CREBBP: variants seen among roughly 807,000 people sequenced by gnomAD.
CREBBP encodes CREB-binding protein.
A neutral mutation model predicts 265.0 loss-of-function variants in CREBBP; 19 were observed. That is an observed-to-expected ratio of 0.07 (90% CI 0.05 to 0.11). The LOEUF is 0.11. Ranked by LOEUF, CREBBP falls within the 10% of genes least tolerant of loss-of-function variation. The pLI is 1.00. For missense variants in CREBBP, 2,525 were observed against 3,219.0 expected, an observed-to-expected ratio of 0.78 and a Z score of 5.22; for synonymous variants, 1,457 against 1,223.7, an observed-to-expected ratio of 1.19 and a Z score of -3.98.
At chr16:3,771,869 G>A (rs758189641) in intron 13 of CREBBP, among the ~76,000 whole-genome samples, 17 of 149,698 alleles carry the variant, frequency 1.1e-4, no homozygotes, top group African/African-American at 2.0e-4. Flanking sequence ...GGAGTGCAAT[G>A]GCATGATCTT....
At chr16:3,805,374 G>A (rs189566876) in intron 3 of CREBBP, among the ~76,000 whole-genome samples, 2 of 152,298 alleles carry the variant, frequency 1.3e-5, no homozygotes, top group East Asian at 1.9e-4. Context: ...TTCACCTGCC[G>A]TCTCCACAGA....
intron 5 of CREBBP, among the ~76,000 whole-genome samples, chr16:3,785,603 T>C (rs2053368146): frequency 6.6e-6 from 1 of 152,194 alleles, no homozygotes; most frequent in Non-Finnish European, 1.5e-5. Flanking sequence ...GGCCAGCACA[T>C]CGTGGGCCCT....
intron 1 of CREBBP, among the ~76,000 whole-genome samples, chr16:3,856,365 G>A (rs1053660314): frequency 3.3e-5 from 5 of 152,176 alleles, no homozygotes; most frequent in Non-Finnish European, 2.9e-5. Flanking sequence ...CACCCAGGCT[G>A]GAGTGCAGTG....
intron 2 of CREBBP, among the ~76,000 whole-genome samples, chr16:3,833,223 A>C (rs1432501472): frequency 1.3e-5 from 2 of 152,116 alleles, no homozygotes; most frequent in Non-Finnish European, 2.9e-5. Context: ...GACCAGCCTG[A>C]CCAACATGGT....
At chr16:3,822,813 T>C (rs940357279) in intron 2 of CREBBP, among the ~76,000 whole-genome samples, 12 of 152,128 alleles carry the variant, frequency 7.9e-5, no homozygotes, top group Admixed American at 2.0e-4. Flanking sequence ...AATACAGTCG[T>C]CCCTCCTGAC....
rs893310517 is a variant in CREBBP, at chr16:3,767,746, G to A, written c.3224C>T (p.Thr1075Ile). ...SSSNGTASQS[T>I]SPSQPRKKIF... ...TTTTTTGCGCGGCTGCGAAGGAGAT[G>A]TTGACTGAGAGGCTGTGCCGTTACT... Residue 1075 changes from threonine (T) to isoleucine (I), a missense_variant, in exon 16 of 31, where the codon ACA becomes ATA. Thr to Ile is a moderately conservative substitution (Grantham distance 89). Around this residue, in one of 19 missense-constraint regions of CREBBP, gnomAD observed 548 missense variants for 533.0 expected, o/e 1.03. Transcript: ENST00000262367. The A allele has an allele frequency of 3.1e-6, 5 of 1,614,256 alleles. No individual in the cohort carries two copies. The South Asian group carries it at 5.5e-5, about 18-fold the overall frequency.
At chr16:3,736,538 T>C (rs2052065942) in intron 27 of CREBBP, 112 bp downstream of exon 27, 1 of 1,470,616 alleles carries the variant, frequency 6.8e-7, no homozygotes, top group Admixed American at 1.7e-5. Flanking sequence ...TTCTGCTTTC[T>C]AATCCTCATA....
chr16:3,780,270 T>G (rs1240717553), intron 8 of CREBBP, among the ~76,000 whole-genome samples: 2 of 149,616 alleles, frequency 1.3e-5, no homozygotes, highest in Non-Finnish European at 3.0e-5. Flanking sequence ...AAAAGTTAAC[T>G]GTTAACTTTC....
chr16:3,745,905 C>A (rs1293486072), intron 21 of CREBBP, among the ~76,000 whole-genome samples: 4 of 152,202 alleles, frequency 2.6e-5, no homozygotes, highest in Non-Finnish European at 5.9e-5. Flanking sequence ...GGCCTACTGG[C>A]AAGTTGACAA....
At chr16:3,803,837 T>C (rs553587904) in intron 3 of CREBBP, among the ~76,000 whole-genome samples, 1 of 152,108 alleles carries the variant, frequency 6.6e-6, no homozygotes, top group East Asian at 1.9e-4. Flanking sequence ...TGCTAGCACT[T>C]TGGGAGGCCC....
chr16:3,875,303 CCT>C (rs1004131753), intron 1 of CREBBP, among the ~76,000 whole-genome samples: 7 of 152,226 alleles, frequency 4.6e-5, no homozygotes, highest in African/African-American at 1.7e-4. Flanking sequence ...CGCTCTCACC[CCT>C]CTCAGTTATT....
Position 3,830,578 on chromosome 16 carries a change from T to A in CREBBP, c.798+19719A>T, listed in dbSNP as rs556793276. On this transcript the variant is annotated intron_variant, in intron 2 of 30. Coordinates refer to ENST00000262367, the MANE Select transcript of CREBBP (RefSeq NM_004380.3). ...CAATCCAAAATACATATTAACCTAA[T>A]AAAACAGTTTCAAAACACATGAAAC... Among the ~76,000 whole-genome samples the A allele has an allele frequency of 2.0e-5, 3 of 152,282 alleles. No homozygotes were observed. In the East Asian group the frequency reaches 5.8e-4, roughly 29 times the overall value.
At chr16:3,794,170 CA>C (rs550898174) in intron 3 of CREBBP, among the ~76,000 whole-genome samples, 96 of 151,658 alleles carry the variant, frequency 6.3e-4, no homozygotes, top group Admixed American at 1.2e-3. Context: ...TACTAAAAAA[CA>C]GAAAAAATTA....
intron 4 of CREBBP, 134 bp from the exon 5 acceptor site, chr16:3,792,228 C>A: frequency 1.2e-6 from 1 of 807,624 alleles, no homozygotes; most frequent in South Asian, 1.5e-5. Context: ...AGGCAGTCCT[C>A]AACTTACAAA....
intron 3 of CREBBP, among the ~76,000 whole-genome samples, chr16:3,795,470 G>T (rs1226764516): frequency 6.6e-6 from 1 of 152,058 alleles, no homozygotes; most frequent in Non-Finnish European, 1.5e-5. Flanking sequence ...TTTGCTTAGT[G>T]TTTTTTCCAT....
chr16:3,777,960 G>GA, intron 10 of CREBBP, 51 bp downstream of exon 10: 1 of 1,593,670 alleles, frequency 6.3e-7, no homozygotes, highest in African/African-American at 1.3e-5. Flanking sequence ...AAACACGAAG[G>GA]AAAACCAAGG....
chr16:3,735,982 C>T lies in CREBBP; in HGVS notation c.4728+54G>A, dbSNP rs915956128. ...TCGACACGCGCCTCCCAGCCTGCCA[C>T]CCTGCAGCTCCAGCGGGACACGTGG... On this transcript the variant is annotated intron_variant, in intron 28 of 30. Transcript: ENST00000262367. The T allele has an allele frequency of 1.2e-5, 20 of 1,613,894 alleles. No individual in the cohort carries two copies. The African/African-American group carries it at 2.7e-4, about 22-fold the overall frequency.
chr16:3,861,892 A>C (rs951371417), intron 1 of CREBBP, among the ~76,000 whole-genome samples: 1 of 152,076 alleles, frequency 6.6e-6, no homozygotes, highest in African/African-American at 2.4e-5. Context: ...GTTGTACTTC[A>C]TTCTGAACAG....
chr16:3,807,962 C>G (rs555107586), intron 3 of CREBBP, among the ~76,000 whole-genome samples: 83 of 152,280 alleles, frequency 5.5e-4, no homozygotes, highest in African/African-American at 2.0e-3. Context: ...CCCCAACAGG[C>G]ATTTGTGGAT....
Sources: allele counts gnomAD v4.1 joint callset (sites outside exome capture counted in the v4.1 genomes callset), GRCh38; gene constraint gnomAD v4.1.1; regional missense constraint gnomAD v4.1.1; transcripts MANE v1.5; gene names NCBI Gene and HGNC (gene_info 2026-07-23, HGNC 2026-07-21).